Variants in BRMS1L observed in about 807,000 individuals in gnomAD.
BRMS1L encodes the protein breast cancer metastasis-suppressor 1-like protein.
In BRMS1L, 23 loss-of-function variants were observed where a neutral mutation model predicts 50.3. The ratio of observed to expected loss-of-function variants is 0.46; its 90% CI spans 0.33 to 0.65. BRMS1L has a LOEUF of 0.65. BRMS1L is among the 30% of genes least tolerant of loss of function. The probability of loss-of-function intolerance (pLI) is 0.02; values close to 1 mark genes in which losing one functional copy is unlikely to be tolerated. For missense variants in BRMS1L, 286 were observed against 386.1 expected (o/e 0.74, Z 2.17); for synonymous variants, 114 against 126.9 (o/e 0.90, Z 0.69).
intron 4 of BRMS1L, among the ~76,000 whole-genome samples, chr14:35,858,901 G>A (rs1197733502): frequency 6.6e-6 from 1 of 151,602 alleles, no homozygotes; most frequent in Non-Finnish European, 1.5e-5. Flanking sequence ...CTAGATTTCT[G>A]CCAGATTTTG....
chr14:35,840,402 T>A (rs550572864), intron 4 of BRMS1L, among the ~76,000 whole-genome samples: 101 of 152,324 alleles, frequency 6.6e-4, no homozygotes, highest in African/African-American at 2.2e-3. Context: ...TTAGGGAGGA[T>A]TCCCTCTTTT....
chr14:35,840,614 C>T lies in BRMS1L; in HGVS notation c.441+5691C>T, dbSNP rs141526429. On this transcript the variant is annotated intron_variant, in intron 4 of 9. Coordinates refer to ENST00000216807, the MANE Select transcript of BRMS1L (RefSeq NM_032352.4). ...TAGTGTTGGGAAGGTGTGTGTGTTC[C>T]GGAATTTATCCATTTCTTCTAGATT... Among the ~76,000 whole-genome samples, 1,112 of 152,078 alleles carry T rather than the reference C, an allele frequency of 7.3e-3. 18 individuals carry two copies. The highest frequency in any genetic ancestry group is 0.025 in the African/African-American group (1,055 of 41,488).
chr14:35,864,714 C>T (rs573398618), intron 6 of BRMS1L, among the ~76,000 whole-genome samples: 224 of 152,214 alleles, frequency 1.5e-3, no homozygotes, highest in Admixed American at 3.8e-3. Flanking sequence ...ATATTACAAT[C>T]AATGATATCA....
At chr14:35,863,111 A>T (rs1324319815) in intron 5 of BRMS1L, among the ~76,000 whole-genome samples, 1 of 152,186 alleles carries the variant, frequency 6.6e-6, no homozygotes, top group African/African-American at 2.4e-5. Context: ...CAAAAAAAAA[A>T]AGAATAGTAT....
chr14:35,865,471 T>C (rs2078408813), intron 7 of BRMS1L, among the ~76,000 whole-genome samples: 1 of 152,172 alleles, frequency 6.6e-6, no homozygotes, highest in Non-Finnish European at 1.5e-5. Context: ...ATTTTTTCAT[T>C]TTTGTAAATT....
At position 35,871,580 on chromosome 14, in the gene BRMS1L, A is replaced by G. The variant is rs899085454; in HGVS notation, c.*1103A>G. 1.3e-5 allele frequency: 2 copies of G among 152,670 alleles called. No individual in the cohort carries two copies. The highest frequency in any genetic ancestry group is 4.8e-5 in the African/African-American group (2 of 41,462). 9.5% of individuals were successfully genotyped at this position (152,670 alleles called of 1,614,324 possible). ...TGTAGTGTATATTTAGGGTACACCAAATCAGGTATTCCTGGTGGTCTTGTG... is the reference window on the plus strand; with the variant it reads ...TGTAGTGTATATTTAGGGTACACCAGATCAGGTATTCCTGGTGGTCTTGTG... On this transcript the variant is annotated 3_prime_UTR_variant, in exon 10 of 10. Coordinates refer to ENST00000216807, the MANE Select transcript of BRMS1L (RefSeq NM_032352.4).
chr14:35,839,852 AC>A (rs1192632678), intron 4 of BRMS1L, among the ~76,000 whole-genome samples: 2 of 152,084 alleles, frequency 1.3e-5, no homozygotes, highest in African/African-American at 4.8e-5. Context: ...CTATTTGAAT[AC>A]CCTTTATTTC....
chr14:35,860,296 A>AT (rs2078332705), intron 4 of BRMS1L, among the ~76,000 whole-genome samples: 1 of 151,690 alleles, frequency 6.6e-6, no homozygotes, highest in South Asian at 2.1e-4. Context: ...TGTCTGGATA[A>AT]TTTTTTTGTA....
At chr14:35,831,256 A>T (rs2077915487) in intron 1 of BRMS1L, among the ~76,000 whole-genome samples, 154 bp from the exon 2 acceptor site, 1 of 152,148 alleles carries the variant, frequency 6.6e-6, no homozygotes, top group Admixed American at 6.6e-5. Flanking sequence ...ATTATTTTTG[A>T]TAAATCTTGT....
At chr14:35,840,032 G>A (rs2078042881) in intron 4 of BRMS1L, among the ~76,000 whole-genome samples, 1 of 152,170 alleles carries the variant, frequency 6.6e-6, no homozygotes, top group African/African-American at 2.4e-5. Flanking sequence ...TTATTATTTT[G>A]AGATACATTC....
At chr14:35,854,306 G>A (rs2142054892) in intron 4 of BRMS1L, among the ~76,000 whole-genome samples, 1 of 152,168 alleles carries the variant, frequency 6.6e-6, no homozygotes, top group East Asian at 1.9e-4. Flanking sequence ...ATTCTGGAAG[G>A]GAAGTTTAGG....
chr14:35,849,308 G>A (rs2078178380), intron 4 of BRMS1L, among the ~76,000 whole-genome samples: 1 of 152,032 alleles, frequency 6.6e-6, no homozygotes, highest in Non-Finnish European at 1.5e-5. Flanking sequence ...GTTTGTTTTT[G>A]AGACAGTCTT....
At position 35,870,361 on chromosome 14, in the gene BRMS1L, G is replaced by A; in HGVS notation, c.856G>A (p.Ala286Thr). 6.6e-7 allele frequency: 1 copy of A among 1,520,224 alleles called. No homozygotes were observed. Among genetic ancestry groups the A allele is most frequent in the African/African-American group, 1.4e-5 (1 of 71,754 alleles). The allele number at this position is 1,520,224 out of a possible 1,614,324, so 94.2% of individuals were successfully genotyped here. The change falls in exon 10 of 10, where the codon GCT becomes ACT. Residue 286 changes from alanine (A) to threonine (T), a missense_variant and splice_region_variant. By Grantham distance (58) the Ala-to-Thr change is moderately conservative. Coordinates refer to ENST00000216807, the MANE Select transcript of BRMS1L (RefSeq NM_032352.4). ...IDKKDECPTS[A>T]VITTINHDEV... ...TCATTCTTTTTTTTTTCTTTTTAGT[G>A]CTGTAATTACAACAATTAACCATGA...
At chr14:35,844,079 C>G (rs1023403097) in intron 4 of BRMS1L, among the ~76,000 whole-genome samples, 11 of 152,210 alleles carry the variant, frequency 7.2e-5, no homozygotes, top group Non-Finnish European at 1.5e-4. Flanking sequence ...GACTGCTGTG[C>G]TGGCAGTGAG....
chr14:35,867,902 T>G lies in BRMS1L; in HGVS notation c.728-4T>G, dbSNP rs767926147. On this transcript the variant is annotated splice_polypyrimidine_tract_variant and splice_region_variant and intron_variant, in intron 8 of 9. Coordinates refer to ENST00000216807, the MANE Select transcript of BRMS1L (RefSeq NM_032352.4). ...TATAACAGTTTTTGAACTGATCCCT[T>G]TAGCACCTGTGAAACTGGAAAAACA... The G allele has an allele frequency of 2.5e-6, 4 of 1,592,226 alleles. No individual in the cohort carries two copies. The highest frequency in any genetic ancestry group is 3.4e-6 in the Non-Finnish European group (4 of 1,173,742).
chr14:35,841,843 T>A (rs951477374), intron 4 of BRMS1L, among the ~76,000 whole-genome samples: 1 of 152,204 alleles, frequency 6.6e-6, no homozygotes. Context: ...CCTTTATGAA[T>A]CTGCATGCTC....
intron 6 of BRMS1L, among the ~76,000 whole-genome samples, chr14:35,864,611 C>T (rs978879784): frequency 2.6e-5 from 4 of 152,176 alleles, no homozygotes; most frequent in Non-Finnish European, 5.9e-5. Flanking sequence ...TAAATTAATA[C>T]GTATATTCAG....
chr14:35,840,060 T>C (rs995604726), intron 4 of BRMS1L, among the ~76,000 whole-genome samples: 1 of 152,212 alleles, frequency 6.6e-6, no homozygotes, highest in Admixed American at 6.5e-5. Context: ...ACCTAGTTCA[T>C]TGAGAGTTTT....
chr14:35,850,209 CTTTT>C (rs72493491), intron 4 of BRMS1L, among the ~76,000 whole-genome samples: 1 of 128,938 alleles, frequency 7.8e-6, no homozygotes, highest in African/African-American at 2.8e-5. Flanking sequence ...GTTGCCTTTT[CTTTT>C]TTTTTTTTTT....
Sources: allele counts gnomAD v4.1 joint callset (sites outside exome capture counted in the v4.1 genomes callset), GRCh38; gene constraint gnomAD v4.1.1; transcripts MANE v1.5; gene names NCBI Gene and HGNC (gene_info 2026-07-23, HGNC 2026-07-21).